Variants in PEAK1 observed in about 807,000 individuals in gnomAD.
The protein encoded by PEAK1 is inactive tyrosine-protein kinase PEAK1.
In PEAK1, 54 loss-of-function variants were observed where a neutral mutation model predicts 124.7. That is an observed-to-expected ratio of 0.43 (90% CI 0.35 to 0.54). PEAK1 has a LOEUF of 0.54. Ranked by LOEUF, PEAK1 falls within the 20% of genes least tolerant of loss-of-function variation. The pLI is 0.01. For synonymous variants in PEAK1, 719 were observed against 760.0 expected (o/e 0.95, Z 0.89); for missense variants, 2,046 against 2,134.5 (o/e 0.96, Z 0.82).
chr15:77,286,461 G>C lies in PEAK1; in HGVS notation c.-559C>G, dbSNP rs1401349395. ...CTCCAACTCTGGGCATTATGTTGTTGCTTCCTTTTCTTTCCTTACAAATGG... is the reference window on the plus strand; with the variant it reads ...CTCCAACTCTGGGCATTATGTTGTTCCTTCCTTTTCTTTCCTTACAAATGG... On this transcript the variant is annotated 5_prime_UTR_variant, in exon 3 of 10. Coordinates refer to ENST00000682557, the MANE Select transcript of PEAK1 (RefSeq NM_001385026.1). 8.1e-7 allele frequency: 1 copy of C among 1,229,866 alleles called. No individual in the cohort carries two copies. The highest frequency in any genetic ancestry group is 1.6e-5 in the African/African-American group (1 of 64,360). 76.2% of individuals were successfully genotyped at this position (1,229,866 alleles called of 1,614,324 possible). A position where few individuals can be genotyped will look rare whatever the true frequency, so the allele number is the denominator to read the frequency against.
intron 7 of PEAK1, among the ~76,000 whole-genome samples, chr15:77,171,023 C>T (rs1219355368): frequency 4.5e-4 from 69 of 152,082 alleles, no homozygotes; most frequent in East Asian, 3.9e-4. Flanking sequence ...CCTGGGTACA[C>T]GTTCTTGAAC....
intron 5 of PEAK1, among the ~76,000 whole-genome samples, chr15:77,279,112 T>G (rs765534320): frequency 1.4e-5 from 2 of 147,682 alleles, no homozygotes; most frequent in Non-Finnish European, 3.0e-5. Context: ...TGCGTGTGTG[T>G]GTGTGTGTGT....
intron 7 of PEAK1, among the ~76,000 whole-genome samples, chr15:77,171,968 C>T (rs1249876171): frequency 6.6e-6 from 1 of 151,998 alleles, no homozygotes; most frequent in African/African-American, 2.4e-5. Context: ...TGATATGTTG[C>T]TTTGATTAAA....
intron 8 of PEAK1, among the ~76,000 whole-genome samples, chr15:77,148,306 G>C (rs1474826793): frequency 1.3e-5 from 2 of 152,078 alleles, no homozygotes; most frequent in African/African-American, 2.4e-5. Context: ...TTTTTAAATG[G>C]AGTTTTTTAA....
At chr15:77,350,646 T>C (rs959224504) in intron 2 of PEAK1, 3 of 981,738 alleles carry the variant, frequency 3.1e-6, no homozygotes, top group Non-Finnish European at 1.2e-6. Context: ...GCTTGTGACA[T>C]AGCATCACTA....
In PEAK1 at chr15:77,114,022, C is replaced by T; in HGVS notation, c.*134G>A. 1 of 914,892 alleles carries T rather than the reference C, an allele frequency of 1.1e-6. No homozygotes were observed. The highest frequency in any genetic ancestry group is 2.4e-5 in the East Asian group (1 of 40,914). 56.7% of individuals were successfully genotyped at this position (914,892 alleles called of 1,614,324 possible). Reference sequence around the variant, plus strand: ...GCAGTGGATAACCTTTCTGAATAGACCCACTTGTTCACGGACAGGGATAGA... The same window carrying T: ...GCAGTGGATAACCTTTCTGAATAGATCCACTTGTTCACGGACAGGGATAGA... On this transcript the variant is annotated 3_prime_UTR_variant, in exon 10 of 10. Transcript: ENST00000682557.
chr15:77,265,867 C>T (rs1299971653), intron 5 of PEAK1, among the ~76,000 whole-genome samples: 1 of 152,008 alleles, frequency 6.6e-6, no homozygotes, highest in Non-Finnish European at 1.5e-5. Context: ...AAATGTCCAA[C>T]AATGATAGAC....
chr15:77,240,417 C>T (rs1247221647), intron 6 of PEAK1, among the ~76,000 whole-genome samples: 1 of 151,586 alleles, frequency 6.6e-6, no homozygotes, highest in Non-Finnish European at 1.5e-5. Flanking sequence ...CCCAGGAGTT[C>T]AAGACAAGCC....
At chr15:77,120,402 C>T (rs573923058) in intron 9 of PEAK1, among the ~76,000 whole-genome samples, 35 of 152,272 alleles carry the variant, frequency 2.3e-4, no homozygotes, top group African/African-American at 5.8e-4. Flanking sequence ...CTGAACTCTC[C>T]GTCCCACCAA....
rs1386138374 is a variant in PEAK1 at position 77,408,162 on chromosome 15, C to T, written c.-666+11844G>A. ...GTATACACATATATACATACACACA[C>T]ACACACACACACACACACACACACA... On this transcript the variant is annotated intron_variant, in intron 1 of 9. Coordinates refer to ENST00000682557, the MANE Select transcript of PEAK1 (RefSeq NM_001385026.1). Among the ~76,000 whole-genome samples the T allele has an allele frequency of 4.1e-4, 62 of 150,396 alleles. 1 individual carries two copies. The highest frequency in any genetic ancestry group is 1.6e-3 in the East Asian group (8 of 5,000).
chr15:77,328,980 T>C (rs1446565583), intron 2 of PEAK1, among the ~76,000 whole-genome samples: 1 of 152,186 alleles, frequency 6.6e-6, no homozygotes, highest in Non-Finnish European at 1.5e-5. Context: ...ACAGAAGGTA[T>C]AGAAAGCTTT....
chr15:77,253,437 A>G, intron 5 of PEAK1, among the ~76,000 whole-genome samples: 1 of 152,240 alleles, frequency 6.6e-6, no homozygotes, highest in East Asian at 1.9e-4. Flanking sequence ...GACAGAGGAA[A>G]AACAAAAAGC....
chr15:77,292,647 A>AT (rs1257796796), intron 2 of PEAK1, among the ~76,000 whole-genome samples: 2 of 152,122 alleles, frequency 1.3e-5, no homozygotes, highest in African/African-American at 2.4e-5. Flanking sequence ...GGTGACTCAA[A>AT]TTTTTTTACC....
chr15:77,402,516 AATT>A (rs950578647), intron 1 of PEAK1: 1 of 965,098 alleles, frequency 1.0e-6, no homozygotes, highest in Non-Finnish European at 1.2e-6. Context: ...ATTAGTATAT[AATT>A]ATCATGTGAA....
At chr15:77,153,917 T>C (rs1195575770) in intron 8 of PEAK1, among the ~76,000 whole-genome samples, 2 of 152,154 alleles carry the variant, frequency 1.3e-5, no homozygotes, top group African/African-American at 4.8e-5. Context: ...ATGTGGTCAG[T>C]TTTGGAATAG....
At chr15:77,325,657 A>AT (rs2065527991) in intron 2 of PEAK1, among the ~76,000 whole-genome samples, 2 of 152,058 alleles carry the variant, frequency 1.3e-5, no homozygotes, top group Admixed American at 1.3e-4. Context: ...TTTGGAACTG[A>AT]TTTTAAAAAA....
At chr15:77,168,269 T>C (rs1003682878) in intron 7 of PEAK1, among the ~76,000 whole-genome samples, 2 of 91,872 alleles carry the variant, frequency 2.2e-5, no homozygotes, top group Admixed American at 2.0e-4. Flanking sequence ...ACACACATAT[T>C]AATAGGCCTA....
At chr15:77,226,068 T>TATATATG (rs2059651649) in intron 6 of PEAK1, among the ~76,000 whole-genome samples, 1 of 136,344 alleles carries the variant, frequency 7.3e-6, no homozygotes, top group African/African-American at 2.7e-5. Context: ...TATATATATA[T>TATATATG]ATATATATAT....
intron 6 of PEAK1, among the ~76,000 whole-genome samples, chr15:77,244,335 G>A (rs1042112239): frequency 6.6e-6 from 1 of 152,202 alleles, no homozygotes; most frequent in South Asian, 2.1e-4. Flanking sequence ...CCATATTGGA[G>A]TTTAGCTATC....
Sources: gnomAD v4.1 joint callset for allele counts (sites outside exome capture counted in the v4.1 genomes callset) on GRCh38, gnomAD v4.1.1 for gene constraint, MANE v1.5 for transcripts, NCBI Gene and HGNC (gene_info 2026-07-23, HGNC 2026-07-21) for gene names.